The following ZNF423 variants were observed in gnomAD, a reference collection of about 807,000 sequenced individuals.
The protein encoded by ZNF423 is zinc finger protein 423, also known as Ebf-associated zinc finger protein.
ZNF423 carries 12 observed loss-of-function variants against 95.8 expected under a neutral mutation model. That is an observed-to-expected ratio of 0.13 (90% CI 0.08 to 0.20). The LOEUF (loss-of-function observed/expected upper bound fraction) is 0.20. Among genes scored for constraint, ZNF423 ranks in the 10% least tolerant of loss-of-function variants. The probability of loss-of-function intolerance (pLI) is 1.00; values close to 1 mark genes in which losing one functional copy is unlikely to be tolerated. For missense variants in ZNF423, 1,316 were observed against 1,737.1 expected, an observed-to-expected ratio of 0.76 and a Z score of 4.31; for synonymous variants, 749 against 711.9, an observed-to-expected ratio of 1.05 and a Z score of -0.83.
At chr16:49,675,469 A>G (rs2031003632) in intron 3 of ZNF423, among the ~76,000 whole-genome samples, 1 of 151,098 alleles carries the variant, frequency 6.6e-6, no homozygotes, top group South Asian at 2.1e-4. Flanking sequence ...GAACTGCCCC[A>G]CCCCTCCCTC....
Position 49,548,318 on chromosome 16 carries a change from A to C in ZNF423, c.3602-22824T>G, listed in dbSNP as rs547906989. ...ATCCCAGACAAATGCACGACATTAA[A>C]ATTTGGTCTAGAGCTCCCCAGAGGA... On this transcript the variant is annotated intron_variant, in intron 5 of 7. Transcript: ENST00000563137. 1.2e-4 allele frequency among the ~76,000 whole-genome samples: 18 copies of C among 152,314 alleles called. No individual in the cohort carries two copies. In the South Asian group the frequency reaches 3.5e-3, roughly 30 times the overall value.
rs747649464 is a variant in ZNF423, at chr16:49,778,192, A to AGTGT, written c.100+11291_100+11294dup. ...TTCAGCATAATCTCATGTGTGTGAG[A>AGTGT]GTGTGTGTGTGTGTGCGTGTGTGTG... On this transcript the variant is annotated intron_variant, in intron 2 of 7. Transcript: ENST00000563137. Among the ~76,000 whole-genome samples the AGTGT allele has an allele frequency of 1.5e-3, 232 of 151,722 alleles. 1 individual carries two copies. The highest frequency in any genetic ancestry group is 3.4e-3 in the Middle Eastern group (1 of 290).
intron 7 of ZNF423, among the ~76,000 whole-genome samples, chr16:49,520,006 C>T (rs1968326528): frequency 6.6e-6 from 1 of 152,174 alleles, no homozygotes; most frequent in Non-Finnish European, 1.5e-5. Flanking sequence ...GGAGGCCCTC[C>T]CTGACCACAC....
intron 1 of ZNF423, among the ~76,000 whole-genome samples, chr16:49,809,148 T>C (rs567128734): frequency 1.1e-4 from 16 of 152,252 alleles, no homozygotes; most frequent in Non-Finnish European, 1.8e-4. Context: ...GTTGTGTTTA[T>C]TTAACTTTCT....
intron 3 of ZNF423, among the ~76,000 whole-genome samples, chr16:49,715,428 C>A (rs764088419): frequency 2.0e-5 from 3 of 152,158 alleles, no homozygotes; most frequent in Non-Finnish European, 4.4e-5. Flanking sequence ...GGAATGAGCA[C>A]GGCCTGTTGA....
At chr16:49,695,890 C>T (rs561348663) in intron 3 of ZNF423, among the ~76,000 whole-genome samples, 42 of 152,346 alleles carry the variant, frequency 2.8e-4, no homozygotes, top group African/African-American at 1.0e-3. Context: ...CTCTTGCATA[C>T]ATTATTCCAA....
intron 1 of ZNF423, among the ~76,000 whole-genome samples, chr16:49,795,041 T>C (rs1012270115): frequency 6.6e-6 from 1 of 151,980 alleles, no homozygotes; most frequent in Non-Finnish European, 1.5e-5. Flanking sequence ...CCGGCTAAAT[T>C]TTGTATTTGT....
chr16:49,532,058 GCTTT>G (rs1297559046), intron 5 of ZNF423, among the ~76,000 whole-genome samples: 1 of 152,226 alleles, frequency 6.6e-6, no homozygotes, highest in Non-Finnish European at 1.5e-5. Context: ...CTGTCCCACT[GCTTT>G]GACCAATATT....
chr16:49,637,117 G>T lies in ZNF423; in HGVS notation c.2059C>A (p.Gln687Lys). 1.2e-6 allele frequency: 2 copies of T among 1,613,596 alleles called. No homozygotes were observed. Among genetic ancestry groups the T allele is most frequent in the Non-Finnish European group, 1.7e-6 (2 of 1,179,970 alleles). Residue 687 changes from glutamine (Q) to lysine (K), a missense_variant, in exon 4 of 8, where the codon CAG (glutamine) becomes AAG (lysine). Around this residue, in one of 6 missense-constraint regions of ZNF423, gnomAD observed 620 missense variants for 775.6 expected, o/e 0.80. Transcript: ENST00000563137. The surrounding 1 kb of genome is among the most constrained non-coding windows in gnomAD (Gnocchi z 5.6). ...GTCATGTAATGCACTGTCAGGTGCTGCAGGAGGGACTCCTGGGAGTCAAAG... is the reference window on the plus strand; with the variant it reads ...GTCATGTAATGCACTGTCAGGTGCTTCAGGAGGGACTCCTGGGAGTCAAAG... ...EDFDSQESLL[Q>K]HLTVHYMTTS...
intron 3 of ZNF423, among the ~76,000 whole-genome samples, chr16:49,695,446 A>G (rs1263110494): frequency 6.6e-6 from 1 of 152,214 alleles, no homozygotes; most frequent in African/African-American, 2.4e-5. Context: ...GGCATGCGCC[A>G]CCAAGCCCGG....
At chr16:49,736,659 G>C (rs1483170010) in intron 2 of ZNF423, among the ~76,000 whole-genome samples, 1 of 152,172 alleles carries the variant, frequency 6.6e-6, no homozygotes, top group Non-Finnish European at 1.5e-5. Flanking sequence ...GCCAGGCATG[G>C]TGGTGCACGC....
intron 5 of ZNF423, among the ~76,000 whole-genome samples, chr16:49,547,011 GAAAA>G (rs60635430): frequency 9.0e-6 from 1 of 111,528 alleles, no homozygotes; most frequent in African/African-American, 3.5e-5. Context: ...ACTCTTTCCA[GAAAA>G]AAAAAAAAAA....
chr16:49,630,599 G>A (rs1427030330), intron 4 of ZNF423, among the ~76,000 whole-genome samples: 1 of 152,114 alleles, frequency 6.6e-6, no homozygotes, highest in African/African-American at 2.4e-5. Context: ...CTCCAAGGAT[G>A]GCGATTTGCT....
At chr16:49,676,186 A>G (rs1171963049) in intron 3 of ZNF423, among the ~76,000 whole-genome samples, 1 of 152,230 alleles carries the variant, frequency 6.6e-6, no homozygotes, top group Non-Finnish European at 1.5e-5. Flanking sequence ...ATTATGCATC[A>G]CCGCAGATTG....
chr16:49,726,373 T>A (rs1341936511), intron 3 of ZNF423, among the ~76,000 whole-genome samples: 1 of 152,004 alleles, frequency 6.6e-6, no homozygotes, highest in Non-Finnish European at 1.5e-5. Context: ...AAAACCACCA[T>A]CACCCCATGG....
intron 3 of ZNF423, among the ~76,000 whole-genome samples, chr16:49,671,574 G>A (rs2030810847): frequency 6.6e-6 from 1 of 152,234 alleles, no homozygotes; most frequent in Non-Finnish European, 1.5e-5. Flanking sequence ...AAAGGAATAG[G>A]AAGAAATCCG....
intron 3 of ZNF423, among the ~76,000 whole-genome samples, chr16:49,666,721 C>T (rs1381431749): frequency 6.6e-6 from 1 of 152,216 alleles, no homozygotes; most frequent in Non-Finnish European, 1.5e-5. Context: ...TCACCAGACC[C>T]CCAGGGAGGG....
chr16:49,777,138 A>T (rs1485487973), intron 2 of ZNF423, among the ~76,000 whole-genome samples: 1 of 152,208 alleles, frequency 6.6e-6, no homozygotes, highest in African/African-American at 2.4e-5. Context: ...GGTGTGCATT[A>T]TGCATATGCA....
At chr16:49,759,084 T>A (rs1055397323) in intron 2 of ZNF423, among the ~76,000 whole-genome samples, 4 of 152,078 alleles carry the variant, frequency 2.6e-5, no homozygotes, top group Non-Finnish European at 5.9e-5. Flanking sequence ...ACCATATTTT[T>A]AAAAAAATAA....
Sources: gnomAD v4.1 joint callset for allele counts (sites outside exome capture counted in the v4.1 genomes callset) on GRCh38, gnomAD v4.1.1 for gene constraint, gnomAD v4.1.1 regional missense constraint, Gnocchi (gnomAD v3.1) non-coding constraint, MANE v1.5 for transcripts, NCBI Gene and HGNC (gene_info 2026-07-23, HGNC 2026-07-21) for gene names.